The following EFNB2 variants were observed in gnomAD, a reference collection of about 807,000 sequenced individuals.
The protein encoded by EFNB2 is ephrin B2, also known as ephrin-B2.
A neutral mutation model predicts 32.1 loss-of-function variants in EFNB2; 5 were observed. That is an observed-to-expected ratio of 0.16 (90% CI 0.08 to 0.33). The LOEUF (loss-of-function observed/expected upper bound fraction) is 0.33. Among genes scored for constraint, EFNB2 ranks in the 10% least tolerant of loss-of-function variants. EFNB2 has a pLI of 1.00. For missense variants in EFNB2, 263 were observed against 422.6 expected (o/e 0.62, Z 3.31); for synonymous variants, 168 against 166.5 (o/e 1.01, Z -0.07).
At chr13:106,520,662 G>A (rs530797666) in intron 1 of EFNB2, 39 of 152,254 alleles carry the variant, frequency 2.6e-4, no homozygotes, top group African/African-American at 8.2e-4. Context: ...GCTTAATAAG[G>A]TATTCTCTGA....
Position 106,512,824 on chromosome 13 carries a change from AG to A in EFNB2, c.123-13del, listed in dbSNP as rs1423407538. 1 of 1,548,266 alleles carries A rather than the reference AG, an allele frequency of 6.5e-7. No individual in the cohort carries two copies. Among genetic ancestry groups the A allele is most frequent in the East Asian group, 2.3e-5 (1 of 44,352 alleles). On this transcript the variant is annotated splice_polypyrimidine_tract_variant and intron_variant, in intron 1 of 4. Transcript: ENST00000646441. ...GTCCAGGTAGAAATCTAAAAGCATAAGAAAAAAAAGCCATTGAGTTGATAAA... is the reference window on the plus strand; with the variant it reads ...GTCCAGGTAGAAATCTAAAAGCATAAAAAAAAAAGCCATTGAGTTGATAAA...
At chr13:106,505,886 T>C (rs1878933117) in intron 2 of EFNB2, among the ~76,000 whole-genome samples, 1 of 152,188 alleles carries the variant, frequency 6.6e-6, no homozygotes, top group Admixed American at 6.5e-5. Flanking sequence ...GCTTAGGTGA[T>C]GTCATTTAAT....
At chr13:106,531,726 T>A (rs1879877547) in intron 1 of EFNB2, among the ~76,000 whole-genome samples, 1 of 152,092 alleles carries the variant, frequency 6.6e-6, no homozygotes, top group Non-Finnish European at 1.5e-5. Flanking sequence ...CATTCTTTTG[T>A]ATCAAGTCAA....
rs115598809 is a variant in EFNB2 at position 106,510,417 on chromosome 13, C to T, written c.406+2112G>A. Among the ~76,000 whole-genome samples, 428 of 152,312 alleles carry T rather than the reference C, an allele frequency of 2.8e-3. 2 individuals carry two copies. The highest frequency in any genetic ancestry group is 9.8e-3 in the African/African-American group (407 of 41,582). ...TTAATGTTTACTAAAATTCCACTTG[C>T]GCCCAGTGCGAACTTAGAATTTGCA... On this transcript the variant is annotated intron_variant, in intron 2 of 4. Transcript: ENST00000646441.
In EFNB2 at chr13:106,495,707, C is replaced by T. The variant is rs745969602; in HGVS notation, c.499+41G>A. On this transcript the variant is annotated intron_variant, in intron 3 of 4. Coordinates refer to ENST00000646441, the MANE Select transcript of EFNB2 (RefSeq NM_004093.4). ...AGCACCATACTAGCTGGGGGCTACA[C>T]CAGGTCACAGTGGCGTCATGAAGCA... 4.4e-6 allele frequency: 7 copies of T among 1,589,992 alleles called. No homozygotes were observed. In the East Asian group the frequency reaches 1.1e-4, roughly 25 times the overall value.
chr13:106,519,643 T>G (rs897814120), intron 1 of EFNB2: 1 of 152,196 alleles, frequency 6.6e-6, no homozygotes, highest in African/African-American at 2.4e-5. Flanking sequence ...GGCATGTTGT[T>G]CTGTTTATTT....
intron 1 of EFNB2, among the ~76,000 whole-genome samples, chr13:106,532,334 GCTGACCT>G (rs1879904407): frequency 6.6e-6 from 1 of 152,126 alleles, no homozygotes; most frequent in African/African-American, 2.4e-5. Flanking sequence ...TGCTAAAAAA[GCTGACCT>G]CTGAATGAAA....
At chr13:106,533,102 GA>G (rs61297084) in intron 1 of EFNB2, among the ~76,000 whole-genome samples, 18 of 147,440 alleles carry the variant, frequency 1.2e-4, no homozygotes, top group African/African-American at 4.0e-4. Context: ...ATCCTCATAA[GA>G]AAAAAAAAAA....
chr13:106,496,448 A>T (rs913739650), intron 2 of EFNB2, among the ~76,000 whole-genome samples: 4 of 152,236 alleles, frequency 2.6e-5, no homozygotes, highest in Admixed American at 1.3e-4. Context: ...AATCAGAAGA[A>T]CATACGTGTT....
chr13:106,515,080 T>G (rs577660146), intron 1 of EFNB2, among the ~76,000 whole-genome samples: 1 of 151,968 alleles, frequency 6.6e-6, no homozygotes, highest in African/African-American at 2.4e-5. Context: ...TCACAGGAGG[T>G]TTCCTCCCAG....
In EFNB2 at chr13:106,492,480, T is replaced by C. The variant is rs1041091735; in HGVS notation, c.*560A>G. On this transcript the variant is annotated 3_prime_UTR_variant, in exon 5 of 5. Coordinates refer to ENST00000646441, the MANE Select transcript of EFNB2 (RefSeq NM_004093.4). This position sits in a 1 kb window ranked among gnomAD's most constrained non-coding sequence, Gnocchi z 5.1. ...CCAGACATGAGTGTTCCATGAGTGATGCAGATGTGGAGTGGAGGTCTCAGG... is the reference window on the plus strand; with the variant it reads ...CCAGACATGAGTGTTCCATGAGTGACGCAGATGTGGAGTGGAGGTCTCAGG... The C allele has an allele frequency of 6.5e-6, 1 of 154,024 alleles. No individual in the cohort carries two copies. The highest frequency in any genetic ancestry group is 1.4e-5 in the Non-Finnish European group (1 of 69,182). 9.5% of individuals were successfully genotyped at this position (154,024 alleles called of 1,614,324 possible). A position where few individuals can be genotyped will look rare whatever the true frequency, so the allele number is the denominator to read the frequency against.
Position 106,520,738 on chromosome 13 carries a change from G to A in EFNB2, c.123-7926C>T, listed in dbSNP as rs1455563008. 2.0e-5 allele frequency: 3 copies of A among 151,428 alleles called. No homozygotes were observed. The South Asian group carries it at 6.3e-4, about 32-fold the overall frequency. The allele number at this position is 151,428 out of a possible 1,614,324, so 9.4% of individuals were successfully genotyped here. A position where few individuals can be genotyped will look rare whatever the true frequency, so the allele number is the denominator to read the frequency against. ...AAAGGCAGGGCCTACGAAAGACACA[G>A]GCAGTAATAAGAAATACTTGGAAAA... On this transcript the variant is annotated intron_variant, in intron 1 of 4. Transcript: ENST00000646441.
rs1878475679 is a variant in EFNB2, at chr13:106,493,274, G to C, written c.768C>G (p.His256Gln). The C allele has an allele frequency of 6.2e-7, 1 of 1,614,078 alleles. No homozygotes were observed. The highest frequency in any genetic ancestry group is 1.1e-5 in the South Asian group (1 of 91,088). ...TCGTGTGCTGCGGCGAGTGCTTCCTGTGTCTCCTCCGGTACTTCAGCAAGA... is the reference window on the plus strand; with the variant it reads ...TCGTGTGCTGCGGCGAGTGCTTCCTCTGTCTCCTCCGGTACTTCAGCAAGA... ...VVLLLKYRRR[H>Q]RKHSPQHTTT... is the part of the protein sequence containing the mutation. Residue 256 changes from histidine to glutamine, a missense_variant, in exon 5 of 5, where the codon CAC (histidine) becomes CAG (glutamine). Coordinates refer to ENST00000646441, the MANE Select transcript of EFNB2 (RefSeq NM_004093.4). The surrounding 1 kb of genome is among the most constrained non-coding windows in gnomAD (Gnocchi z 6.1).
intron 2 of EFNB2, among the ~76,000 whole-genome samples, chr13:106,502,620 GAGA>G (rs1434078007): frequency 1.3e-5 from 2 of 152,170 alleles, no homozygotes; most frequent in African/African-American, 4.8e-5. Flanking sequence ...GACACTGAGG[GAGA>G]AGGTCAATCT....
At chr13:106,512,874 A>G in intron 1 of EFNB2, 62 bp from the exon 2 acceptor site, 1 of 1,407,698 alleles carries the variant, frequency 7.1e-7, no homozygotes, top group East Asian at 2.3e-5. Context: ...AATGACAGTT[A>G]CAAGATAGCC....
In EFNB2 at chr13:106,496,983, G is replaced by C. The variant is rs1878611674; in HGVS notation, c.407-1143C>G. Among the ~76,000 whole-genome samples, 3 of 152,086 alleles carry C rather than the reference G, an allele frequency of 2.0e-5. No individual in the cohort carries two copies. The South Asian group carries it at 6.2e-4, about 32-fold the overall frequency. Reference sequence around the variant, plus strand: ...TTTCTACCTGATTATCAAAGTCTTGGCTTGTAACACTGTACTTTGCAAGGG... The same window carrying C: ...TTTCTACCTGATTATCAAAGTCTTGCCTTGTAACACTGTACTTTGCAAGGG... On this transcript the variant is annotated intron_variant, in intron 2 of 4. Transcript: ENST00000646441.
intron 2 of EFNB2, chr13:106,506,619 T>C (rs1455893194): frequency 6.6e-6 from 1 of 152,236 alleles, no homozygotes; most frequent in East Asian, 1.9e-4. Flanking sequence ...TTCCATTTTA[T>C]GGATGGACTT....
chr13:106,531,140 G>A (rs1566464712), intron 1 of EFNB2, among the ~76,000 whole-genome samples: 1 of 152,188 alleles, frequency 6.6e-6, no homozygotes. Context: ...TTAGAACCAG[G>A]TGCTTAGCAA....
chr13:106,493,165 G>C lies in EFNB2; in HGVS notation c.877C>G (p.Leu293Val). ...GSEPSDIIIP[L>V]RTADSVFCPH... Reference sequence around the variant, plus strand: ...CAGAAGACGCTGTCCGCAGTCCTTAGCGGGATGATAATGTCACTGGGCTCT... The same window carrying C: ...CAGAAGACGCTGTCCGCAGTCCTTACCGGGATGATAATGTCACTGGGCTCT... The change falls in exon 5 of 5, where the codon CTA (leucine) becomes GTA (valine). Residue 293 changes from leucine (L) to valine (V), a missense_variant. This residue lies in a region of EFNB2 where 172 missense variants were observed against 237.1 expected (regional missense o/e 0.73). Coordinates refer to ENST00000646441, the MANE Select transcript of EFNB2 (RefSeq NM_004093.4). The surrounding 1 kb of genome is among the most constrained non-coding windows in gnomAD (Gnocchi z 6.1). The C allele has an allele frequency of 6.2e-7, 1 of 1,614,192 alleles. No individual in the cohort carries two copies. Among genetic ancestry groups the C allele is most frequent in the Non-Finnish European group, 8.5e-7 (1 of 1,180,040 alleles).
Sources: gnomAD v4.1 joint callset for allele counts (sites outside exome capture counted in the v4.1 genomes callset) on GRCh38, gnomAD v4.1.1 for gene constraint, gnomAD v4.1.1 regional missense constraint, Gnocchi (gnomAD v3.1) non-coding constraint, MANE v1.5 for transcripts, NCBI Gene and HGNC (gene_info 2026-07-23, HGNC 2026-07-21) for gene names.